Variants in PRAG1 observed in about 807,000 individuals in gnomAD.
The protein encoded by PRAG1 is inactive tyrosine-protein kinase PRAG1.
Under a neutral mutation model 95.6 loss-of-function variants are expected in PRAG1, and 110 were observed. That is an observed-to-expected ratio of 1.15 (90% CI 0.99 to 1.35). The LOEUF is 1.35. Among genes scored for constraint, PRAG1 ranks in the 40% most tolerant of loss-of-function variants. The pLI, the probability that PRAG1 is intolerant of heterozygous loss-of-function variation, is 0.00. For synonymous variants in PRAG1, 1,052 were observed against 819.4 expected (o/e 1.28, Z -4.85); for missense variants, 2,554 against 1,864.7 (o/e 1.37, Z -6.81).
At chr8:8,349,950 C>CACAT (rs1554507144) in intron 3 of PRAG1, among the ~76,000 whole-genome samples, 1 of 151,430 alleles carries the variant, frequency 6.6e-6, no homozygotes, top group African/African-American at 2.4e-5. Context: ...CACACACACA[C>CACAT]ACACACACAC....
chr8:8,318,780 C>CG lies in PRAG1; in HGVS notation c.3594dup (p.Ala1199ArgfsTer56). ...TTCTCCCGGGGCCCTTCCGGGGAGGCGGGGCCGGCTGCGGGGCTGAGAGTG... is the reference window on the plus strand; with the variant it reads ...TTCTCCCGGGGCCCTTCCGGGGAGGCGGGGGCCGGCTGCGGGGCTGAGAGTG... On this transcript the variant is annotated frameshift_variant, in exon 6 of 6. Coordinates refer to ENST00000615670, the MANE Select transcript of PRAG1 (RefSeq NM_001080826.3). LOFTEE classifies it high-confidence loss of function. The surrounding 1 kb of genome is among the most constrained non-coding windows in gnomAD (Gnocchi z 4.2). 1 of 1,500,422 alleles carries CG rather than the reference C, an allele frequency of 6.7e-7. No homozygotes were observed. Among genetic ancestry groups the CG allele is most frequent in the Non-Finnish European group, 8.9e-7 (1 of 1,120,462 alleles). The allele number at this position is 1,500,422 out of a possible 1,614,324, so 92.9% of individuals were successfully genotyped here. A position where few individuals can be genotyped will look rare whatever the true frequency, so the allele number is the denominator to read the frequency against.
At chr8:8,325,887 G>A (rs964750731) in intron 5 of PRAG1, among the ~76,000 whole-genome samples, 1 of 151,670 alleles carries the variant, frequency 6.6e-6, no homozygotes, top group Non-Finnish European at 1.5e-5. Context: ...ACTCCAGCCT[G>A]GGCAACAGAG....
Position 8,381,598 on chromosome 8 carries a change from T to G in PRAG1, c.150A>C (p.Arg50Ser). ...GCGGTGGAGGGGGCAGGCTGCCCGC[T>G]CTGGGCTGGGGAGGGCCGGCCACCA... is the stretch of plus-strand genomic sequence containing the variant. ...HQLVAGPPQP[R>S]AGSLPPPPRL... Residue 50 changes from arginine (R) to serine (S), a missense_variant, in exon 2 of 6, where the codon AGA (arginine) becomes AGC (serine). By Grantham distance (110) the Arg-to-Ser change is moderately radical. Coordinates refer to ENST00000615670, the MANE Select transcript of PRAG1 (RefSeq NM_001080826.3). 6.2e-7 allele frequency: 1 copy of G among 1,614,038 alleles called. No individual in the cohort carries two copies. The highest frequency in any genetic ancestry group is 8.5e-7 in the Non-Finnish European group (1 of 1,179,970).
At chr8:8,345,788 C>CT (rs1180060687) in intron 3 of PRAG1, among the ~76,000 whole-genome samples, 2 of 152,086 alleles carry the variant, frequency 1.3e-5, no homozygotes, top group African/African-American at 4.8e-5. Context: ...GAGCGAGACT[C>CT]TGTCTCAAAA....
rs199670101 is a variant in PRAG1 at position 8,376,661 on chromosome 8, A to G, written c.1748T>C (p.Ile583Thr). 2.3e-4 allele frequency: 378 copies of G among 1,610,698 alleles called. 2 individuals carry two copies. The highest frequency in any genetic ancestry group is 2.0e-3 in the African/African-American group (151 of 75,004). The change falls in exon 3 of 6, where the codon ATT (isoleucine) becomes ACT (threonine). Residue 583 changes from isoleucine (I) to threonine (T), a missense_variant. Ile to Thr is a moderately conservative substitution (Grantham distance 89, BLOSUM62 -1). Coordinates refer to ENST00000615670, the MANE Select transcript of PRAG1 (RefSeq NM_001080826.3). ...ACCTTGGGATGGAGGCTGGGGCCCAATGCTGCTGCCGCCAGAGCTCCCATC... is the reference window on the plus strand; with the variant it reads ...ACCTTGGGATGGAGGCTGGGGCCCAGTGCTGCTGCCGCCAGAGCTCCCATC... ...LSDGSSGGSS[I>T]GPQPPSQGPA...
chr8:8,365,582 C>G (rs1799974670), intron 3 of PRAG1, among the ~76,000 whole-genome samples: 1 of 151,822 alleles, frequency 6.6e-6, no homozygotes, highest in South Asian at 2.1e-4. Flanking sequence ...TGACATCGCG[C>G]CATTGCACTC....
chr8:8,377,026 C>T lies in PRAG1; in HGVS notation c.1383G>A (p.Arg461=). ...CCTGGGGAGTTGGGTCTGGGCTGTCCCGGCCCCAGCCAGATGCTGCTTTCT... is the reference window on the plus strand; with the variant it reads ...CCTGGGGAGTTGGGTCTGGGCTGTCTCGGCCCCAGCCAGATGCTGCTTTCT... The part of the protein sequence containing the change: ...WAQKAASGWG[R]DSPDPTPQVS... Residue 461 remains arginine (R), a synonymous_variant, in exon 3 of 6, where the codon CGG becomes CGA. Transcript: ENST00000615670. The T allele has an allele frequency of 6.2e-7, 1 of 1,613,972 alleles. No individual in the cohort carries two copies. The highest frequency in any genetic ancestry group is 8.5e-7 in the Non-Finnish European group (1 of 1,180,012).
At chr8:8,321,592 G>A (rs1016065905) in intron 5 of PRAG1, among the ~76,000 whole-genome samples, 3 of 152,208 alleles carry the variant, frequency 2.0e-5, no homozygotes, top group Non-Finnish European at 4.4e-5. Context: ...TGCCAACTGT[G>A]AGGGTTCCAT....
At chr8:8,355,650 C>G (rs73523418) in intron 3 of PRAG1, among the ~76,000 whole-genome samples, 2,992 of 152,170 alleles carry the variant, frequency 0.02, 91 homozygotes, top group African/African-American at 0.068. Context: ...TAGTTTTTGA[C>G]AAGAGCATCA....
intron 3 of PRAG1, among the ~76,000 whole-genome samples, chr8:8,366,562 C>A (rs1800014868): frequency 6.6e-6 from 1 of 152,046 alleles, no homozygotes; most frequent in African/African-American, 2.4e-5. Context: ...GATCCTCCTG[C>A]CTCTGCCTTC....
chr8:8,375,535 C>G (rs1327572069), intron 3 of PRAG1, among the ~76,000 whole-genome samples: 1 of 152,016 alleles, frequency 6.6e-6, no homozygotes, highest in African/African-American at 2.4e-5. Context: ...TCTGAGGGTT[C>G]CTAACCACAT....
chr8:8,372,397 C>T (rs1800238620), intron 3 of PRAG1, among the ~76,000 whole-genome samples: 1 of 152,214 alleles, frequency 6.6e-6, no homozygotes, highest in African/African-American at 2.4e-5. Context: ...TGTTTCCTAA[C>T]CAGCAGTATT....
At chr8:8,322,770 C>T (rs775446247) in intron 5 of PRAG1, among the ~76,000 whole-genome samples, 2 of 152,190 alleles carry the variant, frequency 1.3e-5, no homozygotes, top group Admixed American at 1.3e-4. Context: ...TTGATAATAA[C>T]TCTCTCAACC....
rs67536846 is a variant in PRAG1 at position 8,349,930 on chromosome 8, T to TACACACACACAC, written c.2163-10307_2163-10296dup. ...ATAGTTACATTAAAAGATAGGAAAA[T>TACACACACACAC]ACACACACACACACACACACACACA... is the stretch of plus-strand genomic sequence containing the variant. On this transcript the variant is annotated intron_variant, in intron 3 of 5. Transcript: ENST00000615670. 4.0e-4 allele frequency among the ~76,000 whole-genome samples: 58 copies of TACACACACACAC among 144,876 alleles called. 1 individual carries two copies. The South Asian group carries it at 8.0e-3, about 20-fold the overall frequency.
chr8:8,345,552 A>T (rs1426932912), intron 3 of PRAG1, among the ~76,000 whole-genome samples: 1 of 152,208 alleles, frequency 6.6e-6, no homozygotes, highest in East Asian at 1.9e-4. Flanking sequence ...GCACTTTGGG[A>T]GGCAGAGGCG....
rs1800393556 is a variant in PRAG1, at chr8:8,376,426, G to A, written c.1983C>T (p.Gly661=). Residue 661 remains glycine (G), a synonymous_variant, in exon 3 of 6, where the codon GGC becomes GGT. Transcript: ENST00000615670. ...TCGTGGAGTTTGAATGGTCCGTGGGGCCATTTTTGGTCTCTCTTCCCCAGC... is the reference window on the plus strand; with the variant it reads ...TCGTGGAGTTTGAATGGTCCGTGGGACCATTTTTGGTCTCTCTTCCCCAGC... ...SHSWGRETKN[G]PTDHSNSTTW... 1.9e-6 allele frequency: 3 copies of A among 1,614,144 alleles called. No individual in the cohort carries two copies.
intron 3 of PRAG1, among the ~76,000 whole-genome samples, chr8:8,340,919 G>C (rs1292926401): frequency 2.0e-5 from 3 of 152,176 alleles, no homozygotes; most frequent in African/African-American, 7.2e-5. Context: ...GGGAACCTTG[G>C]AAATATCAAT....
rs747942927 is a variant in PRAG1, at chr8:8,318,853, G to A, written c.3522C>T (p.Pro1174=). ...AGGAGCAGGGAGGCGCGGCGGCGGCGGGGGCGGGAGCCGGGGCGGGGGCGG... is the reference window on the plus strand; with the variant it reads ...AGGAGCAGGGAGGCGCGGCGGCGGCAGGGGCGGGAGCCGGGGCGGGGGCGG... ...PAPAPAPAPA[P]AAAAPPCSSA... is the part of the protein sequence containing the mutation. The change falls in exon 6 of 6, where the codon CCC becomes CCT. Residue 1174 remains proline (P), a synonymous_variant. Coordinates refer to ENST00000615670, the MANE Select transcript of PRAG1 (RefSeq NM_001080826.3). The surrounding 1 kb of genome is among the most constrained non-coding windows in gnomAD (Gnocchi z 4.2). The A allele has an allele frequency of 4.7e-6, 6 of 1,264,434 alleles. No individual in the cohort carries two copies. In the Admixed American group the frequency reaches 1.3e-4, roughly 28 times the overall value. The allele number at this position is 1,264,434 out of a possible 1,614,324, so 78.3% of individuals were successfully genotyped here. A position where few individuals can be genotyped will look rare whatever the true frequency, so the allele number is the denominator to read the frequency against.
intron 3 of PRAG1, among the ~76,000 whole-genome samples, chr8:8,345,044 AG>A (rs1174966275): frequency 9.7e-6 from 1 of 102,620 alleles, no homozygotes; most frequent in Non-Finnish European, 2.1e-5. Context: ...AATTATCCGC[AG>A]GGTGTGTGTG....
Sources: allele counts gnomAD v4.1 joint callset (sites outside exome capture counted in the v4.1 genomes callset), GRCh38; gene constraint gnomAD v4.1.1; non-coding constraint Gnocchi (gnomAD v3.1); transcripts MANE v1.5; gene names NCBI Gene and HGNC (gene_info 2026-07-23, HGNC 2026-07-21).